The following RNF122 variants were observed in gnomAD, a reference collection of about 807,000 sequenced individuals.
RNF122 encodes ring finger protein 122.
A neutral mutation model predicts 24.2 loss-of-function variants in RNF122; 17 were observed. That is an observed-to-expected ratio of 0.70 (90% CI 0.48 to 1.06). RNF122 has a LOEUF of 1.06. RNF122 is among the 50% of genes least tolerant of loss of function. The pLI is 0.00. For synonymous variants in RNF122, 65 were observed against 71.8 expected (o/e 0.91, Z 0.48); for missense variants, 168 against 198.1 (o/e 0.85, Z 0.91).
intron 1 of RNF122, among the ~76,000 whole-genome samples, chr8:33,562,887 C>A (rs1335639055): frequency 1.3e-5 from 2 of 152,080 alleles, no homozygotes; most frequent in Admixed American, 6.6e-5. Flanking sequence ...CACACCACTG[C>A]ACTCTAGCCT....
At chr8:33,566,258 C>T (rs566098048) in intron 1 of RNF122, among the ~76,000 whole-genome samples, 27 of 152,330 alleles carry the variant, frequency 1.8e-4, no homozygotes, top group African/African-American at 6.5e-4. Flanking sequence ...CAGTCCCGCA[C>T]GCTGCACGGT....
chr8:33,551,238 G>T, intron 3 of RNF122, 106 bp downstream of exon 3: 1 of 1,494,356 alleles, frequency 6.7e-7, no homozygotes. Context: ...ACCCAGAGGT[G>T]AGGCCAGGGG....
intron 1 of RNF122, among the ~76,000 whole-genome samples, chr8:33,562,714 G>A (rs564239162): frequency 3.6e-4 from 54 of 152,014 alleles, no homozygotes; most frequent in African/African-American, 8.4e-4. Context: ...ACCTGAGGTC[G>A]GGAGTTCAAG....
chr8:33,555,999 C>T lies in RNF122; in HGVS notation c.182+2616G>A, dbSNP rs554798474. 1.9e-3 allele frequency among the ~76,000 whole-genome samples: 292 copies of T among 151,738 alleles called. 2 individuals carry two copies. Among genetic ancestry groups the T allele is most frequent in the Middle Eastern group, 0.01 (3 of 294 alleles). On this transcript the variant is annotated intron_variant, in intron 2 of 5. Coordinates refer to ENST00000256257, the MANE Select transcript of RNF122 (RefSeq NM_024787.3). ...CTTGGGTGACATGGTGAAACCTCAT[C>T]GCTACAAAAAATATAAAAATTATCC...
intron 1 of RNF122, among the ~76,000 whole-genome samples, chr8:33,561,802 CA>C (rs1345815985): frequency 6.6e-6 from 1 of 152,110 alleles, no homozygotes. Context: ...CTTGGCCTCC[CA>C]AGAAAGTGCT....
At chr8:33,555,322 C>G (rs1297986727) in intron 2 of RNF122, among the ~76,000 whole-genome samples, 7 of 152,262 alleles carry the variant, frequency 4.6e-5, no homozygotes, top group Non-Finnish European at 1.0e-4. Flanking sequence ...CCTGCCTCAG[C>G]CTCCCAAGTA....
rs557399924 is a variant in RNF122, at chr8:33,562,125, A to G, written c.26-3354T>C. Among the ~76,000 whole-genome samples the G allele has an allele frequency of 2.6e-5, 4 of 152,010 alleles. No individual in the cohort carries two copies. The South Asian group carries it at 8.3e-4, about 32-fold the overall frequency. ...TTCCTTCAATTCTACAGCACTCATG[A>G]CCTCCATCATTTGTTCGGCCCCTAC... On this transcript the variant is annotated intron_variant, in intron 1 of 5. Coordinates refer to ENST00000256257, the MANE Select transcript of RNF122 (RefSeq NM_024787.3).
In RNF122 at chr8:33,567,045, G is replaced by A. The variant is rs1351349425; in HGVS notation, c.-322C>T. 10 of 408,828 alleles carry A rather than the reference G, an allele frequency of 2.4e-5. No homozygotes were observed. The East Asian group carries it at 5.6e-4, about 23-fold the overall frequency. 25.3% of individuals were successfully genotyped at this position (408,828 alleles called of 1,614,324 possible). A position where few individuals can be genotyped will look rare whatever the true frequency, so the allele number is the denominator to read the frequency against. On this transcript the variant is annotated 5_prime_UTR_variant, in exon 1 of 6. Transcript: ENST00000256257. ...GCCCGGGCTGCAGAAGCCCTCGGCC[G>A]GGGGAGGAGGGAAAAACCTTTGCCG...
At chr8:33,561,608 T>C (rs1212878158) in intron 1 of RNF122, among the ~76,000 whole-genome samples, 1 of 152,008 alleles carries the variant, frequency 6.6e-6, no homozygotes, top group African/African-American at 2.4e-5. Flanking sequence ...AGTGGCACTA[T>C]CTTGGCTCAC....
chr8:33,567,100 G>C lies in RNF122; in HGVS notation c.-377C>G. On this transcript the variant is annotated 5_prime_UTR_variant, in exon 1 of 6. Transcript: ENST00000256257. Reference sequence around the variant, plus strand: ...CTCGGATCGGGTTCAGCGGCGCAGAGGTGAGCTGGCTGGGGTTCCGAAACT... The same window carrying C: ...CTCGGATCGGGTTCAGCGGCGCAGACGTGAGCTGGCTGGGGTTCCGAAACT... 9.8e-6 allele frequency: 3 copies of C among 304,840 alleles called. No homozygotes were observed. Among genetic ancestry groups the C allele is most frequent in the Non-Finnish European group, 1.9e-5 (3 of 158,698 alleles). 18.9% of individuals were successfully genotyped at this position (304,840 alleles called of 1,614,324 possible).
At chr8:33,558,401 T>G (rs1810486902) in intron 2 of RNF122, among the ~76,000 whole-genome samples, 1 of 152,114 alleles carries the variant, frequency 6.6e-6, no homozygotes, top group South Asian at 2.1e-4. Flanking sequence ...CGTGGTGACC[T>G]TATATGCTCA....
intron 2 of RNF122, among the ~76,000 whole-genome samples, chr8:33,555,429 C>T (rs568116130): frequency 6.6e-6 from 1 of 152,324 alleles, no homozygotes; most frequent in South Asian, 2.1e-4. Context: ...TCTCGAACTC[C>T]TGACCTCAGG....
Position 33,559,967 on chromosome 8 carries a change from G to A in RNF122, c.26-1196C>T, listed in dbSNP as rs536923616. Among the ~76,000 whole-genome samples the A allele has an allele frequency of 6.2e-4, 93 of 150,894 alleles. 1 individual carries two copies. The South Asian group carries it at 0.016, about 26-fold the overall frequency. ...AGCGATTCTCCTGCCTCAGCCTCCC[G>A]AGTAGCTGGGATTATAGGCGCACGC... is the stretch of plus-strand genomic sequence containing the variant. On this transcript the variant is annotated intron_variant, in intron 1 of 5. Transcript: ENST00000256257.
chr8:33,558,259 G>A (rs537816477), intron 2 of RNF122, among the ~76,000 whole-genome samples: 11 of 152,160 alleles, frequency 7.2e-5, no homozygotes, highest in East Asian at 1.9e-4. Context: ...ACCTGTTCCC[G>A]ACCACCCAAA....
chr8:33,561,402 T>C (rs1422820695), intron 1 of RNF122, among the ~76,000 whole-genome samples: 1 of 152,160 alleles, frequency 6.6e-6, no homozygotes, highest in African/African-American at 2.4e-5. Flanking sequence ...CAAACCTCTT[T>C]CAGGCTGTGC....
chr8:33,556,792 C>T (rs914890006), intron 2 of RNF122, among the ~76,000 whole-genome samples: 1 of 152,194 alleles, frequency 6.6e-6, no homozygotes, highest in Non-Finnish European at 1.5e-5. Flanking sequence ...CCAGTATCTC[C>T]TCTGCATAGA....
chr8:33,558,868 G>GT, intron 1 of RNF122, 97 bp from the exon 2 acceptor site: 1 of 946,276 alleles, frequency 1.1e-6, no homozygotes, highest in Non-Finnish European at 1.5e-6. Context: ...GCAGGCTCTG[G>GT]GCACCTAAGC....
chr8:33,551,946 C>T (rs548928910), intron 2 of RNF122, among the ~76,000 whole-genome samples: 35 of 152,264 alleles, frequency 2.3e-4, no homozygotes, highest in African/African-American at 7.9e-4. Flanking sequence ...GGCCTGCAAA[C>T]GGGCTGACTC....
At chr8:33,563,514 T>A (rs1810572420) in intron 1 of RNF122, among the ~76,000 whole-genome samples, 1 of 152,198 alleles carries the variant, frequency 6.6e-6, no homozygotes, top group Admixed American at 6.5e-5. Context: ...AACAGGAAGT[T>A]CCTTGTGTCT....
Sources: gnomAD v4.1 joint callset for allele counts (sites outside exome capture counted in the v4.1 genomes callset) on GRCh38, gnomAD v4.1.1 for gene constraint, MANE v1.5 for transcripts, NCBI Gene and HGNC (gene_info 2026-07-23, HGNC 2026-07-21) for gene names.